UBAP2: variants seen among roughly 807,000 people sequenced by gnomAD.
The protein encoded by UBAP2 is ubiquitin-associated protein 2.
UBAP2 carries 75 observed loss-of-function variants against 139.6 expected under a neutral mutation model. That is an observed-to-expected ratio of 0.54 (90% CI 0.45 to 0.65). The LOEUF (loss-of-function observed/expected upper bound fraction) is 0.65. UBAP2 is among the 30% of genes least tolerant of loss of function. The pLI, the probability that UBAP2 is intolerant of heterozygous loss-of-function variation, is 0.00. For missense variants in UBAP2, 1,368 were observed against 1,369.6 expected (o/e 1.00, Z 0.02); for synonymous variants, 526 against 526.2 (o/e 1.00, Z 0.01).
At chr9:33,977,829 A>AT in intron 6 of UBAP2, among the ~76,000 whole-genome samples, 1 of 151,412 alleles carries the variant, frequency 6.6e-6, no homozygotes, top group Non-Finnish European at 1.5e-5. Flanking sequence ...TGCCTGGATA[A>AT]TTTTTTTGTA....
At chr9:33,976,220 A>G (rs1283683870) in intron 6 of UBAP2, among the ~76,000 whole-genome samples, 1 of 152,214 alleles carries the variant, frequency 6.6e-6, no homozygotes, top group Admixed American at 6.5e-5. Flanking sequence ...TAAACAAGCT[A>G]CAAAACAAGG....
At chr9:33,986,490 T>C (rs1386924661) in intron 6 of UBAP2, among the ~76,000 whole-genome samples, 2 of 152,226 alleles carry the variant, frequency 1.3e-5, no homozygotes, top group Non-Finnish European at 2.9e-5. Flanking sequence ...CGTAATACAA[T>C]TATAATTTGT....
chr9:34,044,023 G>A (rs891284893), intron 1 of UBAP2, among the ~76,000 whole-genome samples: 1 of 149,812 alleles, frequency 6.7e-6, no homozygotes. Context: ...CCCAGTAGGC[G>A]GAGATTGCAG....
chr9:33,962,685 T>TA (rs1827158982), intron 9 of UBAP2, among the ~76,000 whole-genome samples: 1 of 145,250 alleles, frequency 6.9e-6, no homozygotes, highest in Non-Finnish European at 1.5e-5. Flanking sequence ...AATAAATAAT[T>TA]AAAAAATAGG....
At chr9:34,004,645 G>C (rs528872483) in intron 2 of UBAP2, among the ~76,000 whole-genome samples, 7 of 151,946 alleles carry the variant, frequency 4.6e-5, no homozygotes, top group Non-Finnish European at 8.8e-5. Flanking sequence ...TTAGCCGAGC[G>C]TGGTGGCGGG....
At chr9:33,976,757 G>A (rs552282797) in intron 6 of UBAP2, among the ~76,000 whole-genome samples, 1 of 152,152 alleles carries the variant, frequency 6.6e-6, no homozygotes, top group African/African-American at 2.4e-5. Context: ...AGCACTTTGG[G>A]AGGCTGAGGC....
At chr9:34,035,752 A>G (rs1002967657) in intron 1 of UBAP2, among the ~76,000 whole-genome samples, 4 of 151,316 alleles carry the variant, frequency 2.6e-5, no homozygotes, top group Non-Finnish European at 4.4e-5. Context: ...CAAACCATCA[A>G]CTCCTCAATA....
chr9:33,933,594 C>T lies in UBAP2; in HGVS notation c.2004G>A (p.Pro668=), dbSNP rs776946733. The change falls in exon 18 of 29, where the codon CCG becomes CCA. Residue 668 remains proline, a synonymous_variant. Transcript: ENST00000379238. ...PKTTGPPSAL[P]SVSSLPSTTS... ...TGGTGCTGGGCAGGGAGCTCACAGACGGGAGGGCAGAGGGAGGGCCTGTTG... is the reference window on the plus strand; with the variant it reads ...TGGTGCTGGGCAGGGAGCTCACAGATGGGAGGGCAGAGGGAGGGCCTGTTG... 153 of 1,613,748 alleles carry T rather than the reference C, an allele frequency of 9.5e-5. No homozygotes were observed. Among genetic ancestry groups the T allele is most frequent in the Admixed American group, 1.3e-4 (8 of 59,996 alleles).
chr9:33,960,181 C>T (rs1020165023), intron 10 of UBAP2, among the ~76,000 whole-genome samples: 1 of 151,950 alleles, frequency 6.6e-6, no homozygotes, highest in African/African-American at 2.4e-5. Flanking sequence ...TCAAGTGATC[C>T]TCCTACCTTA....
At chr9:34,001,280 T>TA (rs1305420852) in intron 2 of UBAP2, among the ~76,000 whole-genome samples, 6 of 152,206 alleles carry the variant, frequency 3.9e-5, no homozygotes, top group Admixed American at 2.0e-4. Flanking sequence ...ATCCAGGACA[T>TA]ACATACATAC....
At chr9:34,000,573 C>T (rs968057685) in intron 2 of UBAP2, among the ~76,000 whole-genome samples, 2 of 152,112 alleles carry the variant, frequency 1.3e-5, no homozygotes, top group East Asian at 3.8e-4. Context: ...TAAGTTGCCT[C>T]GCTAACCAAG....
intron 6 of UBAP2, among the ~76,000 whole-genome samples, chr9:33,981,064 CATATATATATATAT>C (rs552165278): frequency 3.8e-4 from 2 of 5,270 alleles, no homozygotes; most frequent in Non-Finnish European, 7.8e-4. Flanking sequence ...TTATTTACTT[CATATATATATATAT>C]ATATATATAT....
At chr9:33,990,824 AC>A in intron 4 of UBAP2, among the ~76,000 whole-genome samples, 1 of 151,908 alleles carries the variant, frequency 6.6e-6, no homozygotes, top group African/African-American at 2.4e-5. Context: ...TTTAGTAGAG[AC>A]GGGGTTTCAC....
intron 3 of UBAP2, chr9:33,998,569 A>G: frequency 2.1e-6 from 1 of 477,984 alleles, no homozygotes; most frequent in Non-Finnish European, 3.7e-6. Context: ...AGTAACTCAG[A>G]AAGATTATAT....
intron 6 of UBAP2, among the ~76,000 whole-genome samples, chr9:33,977,373 A>G (rs563914393): frequency 2.9e-4 from 44 of 152,174 alleles, no homozygotes; most frequent in Non-Finnish European, 5.4e-4. Flanking sequence ...AATCTAATCC[A>G]TCGTCCCCAT....
intron 12 of UBAP2, among the ~76,000 whole-genome samples, chr9:33,950,774 C>T (rs767287856): frequency 4.6e-5 from 7 of 152,334 alleles, no homozygotes; most frequent in Admixed American, 4.6e-4. Context: ...TGCTTTACAA[C>T]ACAGCGAAAT....
At chr9:34,035,012 T>G (rs898832313) in intron 1 of UBAP2, among the ~76,000 whole-genome samples, 1 of 152,156 alleles carries the variant, frequency 6.6e-6, no homozygotes, top group African/African-American at 2.4e-5. Flanking sequence ...AACAACTACA[T>G]AAACTGTATT....
chr9:33,939,106 G>A (rs1183027946), intron 16 of UBAP2, among the ~76,000 whole-genome samples: 2 of 148,338 alleles, frequency 1.3e-5, no homozygotes, highest in Non-Finnish European at 3.0e-5. Flanking sequence ...TTCTATTCCT[G>A]TTTGTGATTT....
intron 19 of UBAP2, among the ~76,000 whole-genome samples, chr9:33,931,037 C>A (rs1347529388): frequency 1.3e-5 from 2 of 151,998 alleles, no homozygotes; most frequent in African/African-American, 4.8e-5. Context: ...AAAAACTTTT[C>A]ATTGTCTATC....
Sources: allele counts gnomAD v4.1 joint callset (sites outside exome capture counted in the v4.1 genomes callset), GRCh38; gene constraint gnomAD v4.1.1; transcripts MANE v1.5; gene names NCBI Gene and HGNC (gene_info 2026-07-23, HGNC 2026-07-21).